FBXL13: variants seen among roughly 807,000 people sequenced by gnomAD.
The protein encoded by FBXL13 is F-box and leucine-rich repeat protein 13.
FBXL13 carries 67 observed loss-of-function variants against 83.6 expected under a neutral mutation model. The ratio of observed to expected loss-of-function variants is 0.80; its 90% CI spans 0.66 to 0.98. The LOEUF is 0.98. FBXL13 is among the 50% of genes least tolerant of loss of function. The pLI, the probability that FBXL13 is intolerant of heterozygous loss-of-function variation, is 0.00. For synonymous variants in FBXL13, 272 were observed against 299.5 expected (o/e 0.91, Z 0.95); for missense variants, 822 against 866.5 (o/e 0.95, Z 0.64).
intron 2 of FBXL13, among the ~76,000 whole-genome samples, chr7:103,043,070 A>C (rs773733160): frequency 1.3e-5 from 2 of 152,232 alleles, no homozygotes; most frequent in Non-Finnish European, 2.9e-5. Context: ...CAATCTACTC[A>C]TCTGACAAAG....
chr7:102,850,454 A>G (rs1805021852), intron 17 of FBXL13, among the ~76,000 whole-genome samples: 2 of 152,362 alleles, frequency 1.3e-5, no homozygotes, highest in South Asian at 2.1e-4. Context: ...ACTGATCACC[A>G]TATGAGAAAT....
intron 17 of FBXL13, among the ~76,000 whole-genome samples, chr7:102,840,699 G>A (rs190768626): frequency 6.6e-6 from 1 of 152,256 alleles, no homozygotes; most frequent in East Asian, 1.9e-4. Context: ...AATAAGAGGT[G>A]ATCTAATCAA....
Position 103,006,844 on chromosome 7 carries a change from T to A in FBXL13, c.495+18219A>T, listed in dbSNP as rs570757124. ...CTTTAAAATAGCTATTATAAAAATG[T>A]TCAAGGATACAAAGAAAAAAATGAA... On this transcript the variant is annotated intron_variant, in intron 6 of 19. Coordinates refer to ENST00000313221, the Ensembl canonical transcript of FBXL13. Among the ~76,000 whole-genome samples, 216 of 151,490 alleles carry A rather than the reference T, an allele frequency of 1.4e-3. 1 individual carries two copies. Among genetic ancestry groups the A allele is most frequent in the African/African-American group, 4.9e-3 (204 of 41,528 alleles).
At chr7:102,861,834 T>C (rs985222072) in intron 16 of FBXL13, among the ~76,000 whole-genome samples, 1 of 151,664 alleles carries the variant, frequency 6.6e-6, no homozygotes, top group East Asian at 2.0e-4. Context: ...ATACAAAAAT[T>C]ATCCGGGCAT....
intron 18 of FBXL13, chr7:102,827,068 C>T (rs1799866060): frequency 2.3e-6 from 1 of 434,316 alleles, no homozygotes; most frequent in Admixed American, 2.4e-5. Context: ...TCTAAACTAA[C>T]CTTGTGACTT....
At chr7:102,992,912 A>T (rs1399876884) in intron 6 of FBXL13, among the ~76,000 whole-genome samples, 2 of 152,200 alleles carry the variant, frequency 1.3e-5, no homozygotes, top group South Asian at 2.1e-4. Context: ...CAGCCTGTAA[A>T]CACTTTAACA....
Position 102,913,175 on chromosome 7 carries a change from T to A in FBXL13, c.919A>T (p.Arg307Ter). 1.9e-6 allele frequency: 3 copies of A among 1,614,140 alleles called. No individual in the cohort carries two copies. Among genetic ancestry groups the A allele is most frequent in the Non-Finnish European group, 2.5e-6 (3 of 1,180,022 alleles). Residue 307 changes from arginine to a stop codon, truncating the protein, a stop_gained, in exon 11 of 20, where the codon AGA becomes TGA. Transcript: ENST00000313221. LOFTEE classifies it high-confidence loss of function. The stretch of plus-strand genomic sequence containing the variant: ...TGTAAGCCTTTGTCTGTGAACCGTC[T>A]GCAATAAGCCAAACTAAGATTCTGT...
intron 1 of FBXL13, among the ~76,000 whole-genome samples, chr7:103,070,377 G>A (rs971055884): frequency 6.6e-5 from 10 of 151,956 alleles, no homozygotes; most frequent in African/African-American, 2.2e-4. Context: ...AATTACAGGC[G>A]TGCACCACAC....
intron 9 of FBXL13, 143 bp from the exon 11 acceptor site, chr7:102,926,517 G>T: frequency 1.6e-6 from 1 of 612,568 alleles, no homozygotes; most frequent in African/African-American, 1.9e-5. Context: ...TCTACTATTA[G>T]GTTGAAATGA....
At chr7:102,954,165 C>T (rs2411059) in intron 8 of FBXL13, among the ~76,000 whole-genome samples, 112,435 of 152,094 alleles carry the variant, frequency 0.74, 42,677 homozygotes, top group Middle Eastern at 0.83. Context: ...CGGGGGATTT[C>T]CCTTTCCTAG....
At position 102,963,649 on chromosome 7, in the gene FBXL13, A is replaced by G. The variant is rs199788413; in HGVS notation, c.608T>C (p.Val203Ala). The G allele has an allele frequency of 3.9e-5, 62 of 1,600,344 alleles. No individual in the cohort carries two copies. The highest frequency in any genetic ancestry group is 5.2e-5 in the Non-Finnish European group (61 of 1,176,614). Reference sequence around the variant, plus strand: ...ATATTTATCTGGAATCACATTTTTCACTGAGGAAAAATCAATCTAAAAAGA... The same window carrying G: ...ATATTTATCTGGAATCACATTTTTCGCTGAGGAAAAATCAATCTAAAAAGA... The change falls in exon 8 of 20, where the codon GTG becomes GCG. Residue 203 changes from valine to alanine, a missense_variant. Coordinates refer to ENST00000313221, the Ensembl canonical transcript of FBXL13.
At chr7:103,006,259 C>A (rs751377544) in intron 6 of FBXL13, among the ~76,000 whole-genome samples, 5 of 152,146 alleles carry the variant, frequency 3.3e-5, no homozygotes, top group Non-Finnish European at 7.4e-5. Context: ...AGAATAAGAG[C>A]TTGAGAAATA....
intron 6 of FBXL13, among the ~76,000 whole-genome samples, chr7:102,994,778 T>C (rs993846752): frequency 6.6e-6 from 1 of 152,180 alleles, no homozygotes; most frequent in Non-Finnish European, 1.5e-5. Context: ...GGCTTCTGAT[T>C]GGTCAGTGCA....
rs544639638 is a variant in FBXL13, at chr7:103,040,897, C to T, written c.1-11479G>A. Among the ~76,000 whole-genome samples the T allele has an allele frequency of 8.6e-5, 13 of 151,928 alleles. No individual in the cohort carries two copies. The East Asian group carries it at 2.3e-3, about 27-fold the overall frequency. The stretch of plus-strand genomic sequence containing the variant: ...AGCAGGAAAGATCTAAAATCGACAC[C>T]CTAAAATCACAATTAAAAGAACTAG... On this transcript the variant is annotated intron_variant, in intron 2 of 19. Transcript: ENST00000313221.
At chr7:102,925,716 C>A (rs1339223549) in intron 10 of FBXL13, among the ~76,000 whole-genome samples, 2 of 152,010 alleles carry the variant, frequency 1.3e-5, no homozygotes, top group Non-Finnish European at 2.9e-5. Flanking sequence ...CCCAGGCGGG[C>A]AGATCACCTG....
At chr7:102,942,146 T>C (rs558015696) in intron 8 of FBXL13, 2 of 556,274 alleles carry the variant, frequency 3.6e-6, no homozygotes, top group Admixed American at 6.0e-5. Context: ...ACGTATTTCC[T>C]ACATTAATAA....
chr7:102,880,367 TGTC>T lies in FBXL13; in HGVS notation c.1389-1920_1389-1918del, dbSNP rs1219843794. ...TTATACTTTTTCATCCTCCCTCTGT[TGTC>T]ATTTCTTCAGAATGATCTCCCAGCT... On this transcript the variant is annotated intron_variant, in intron 14 of 19. Coordinates refer to ENST00000313221, the Ensembl canonical transcript of FBXL13. Among the ~76,000 whole-genome samples, 6 of 152,360 alleles carry T rather than the reference TGTC, an allele frequency of 3.9e-5. 1 individual carries two copies. Among genetic ancestry groups the T allele is most frequent in the Admixed American group, 2.6e-4 (4 of 15,300 alleles).
At chr7:103,028,900 A>C in intron 3 of FBXL13, 152 bp from the exon 5 acceptor site, 1 of 502,828 alleles carries the variant, frequency 2.0e-6, no homozygotes, top group East Asian at 3.5e-5. Flanking sequence ...GTATGACCTG[A>C]AGAATTCCTA....
At chr7:103,023,618 T>G (rs942259735) in intron 6 of FBXL13, among the ~76,000 whole-genome samples, 1 of 152,190 alleles carries the variant, frequency 6.6e-6, no homozygotes, top group African/African-American at 2.4e-5. Context: ...AATCCCATTA[T>G]TGGGTATATG....
Sources: gnomAD v4.1 joint callset for allele counts (sites outside exome capture counted in the v4.1 genomes callset) on GRCh38, gnomAD v4.1.1 for gene constraint, MANE v1.5 for transcripts, NCBI Gene and HGNC (gene_info 2026-07-23, HGNC 2026-07-21) for gene names.